Variants in SLC24A3 observed in about 807,000 individuals in gnomAD.
SLC24A3 encodes solute carrier family 24 member 3, also known as sodium/potassium/calcium exchanger 3.
In SLC24A3, 28 loss-of-function variants were observed where a neutral mutation model predicts 75.8. The observed-to-expected ratio is 0.37, with a 90% CI of 0.27 to 0.51. The LOEUF (loss-of-function observed/expected upper bound fraction) is 0.51. SLC24A3 is among the 20% of genes least tolerant of loss of function. The pLI is 0.94. For missense variants in SLC24A3, 663 were observed against 847.8 expected (o/e 0.78, Z 2.71); for synonymous variants, 372 against 334.1 (o/e 1.11, Z -1.24).
intron 2 of SLC24A3, among the ~76,000 whole-genome samples, chr20:19,408,336 G>T (rs145782120): frequency 6.6e-6 from 1 of 150,760 alleles, no homozygotes; most frequent in African/African-American, 2.4e-5. Context: ...AGATTAACCC[G>T]TATAATAATT....
At chr20:19,264,411 C>G (rs1299889860) in intron 1 of SLC24A3, among the ~76,000 whole-genome samples, 1 of 152,136 alleles carries the variant, frequency 6.6e-6, no homozygotes, top group African/African-American at 2.4e-5. Flanking sequence ...CTCTCTGCTT[C>G]CTGGCTCAGG....
At chr20:19,381,813 G>A (rs949910277) in intron 2 of SLC24A3, among the ~76,000 whole-genome samples, 8 of 152,064 alleles carry the variant, frequency 5.3e-5, no homozygotes, top group Admixed American at 2.6e-4. Flanking sequence ...TAGTATTATC[G>A]TATGTCTCTT....
At chr20:19,411,018 TA>T (rs2122420144) in intron 2 of SLC24A3, among the ~76,000 whole-genome samples, 1 of 152,300 alleles carries the variant, frequency 6.6e-6, no homozygotes, top group East Asian at 1.9e-4. Flanking sequence ...CCTTGGTGCC[TA>T]AGAATGGCCA....
chr20:19,597,502 T>C (rs1232617105), intron 6 of SLC24A3, among the ~76,000 whole-genome samples: 1 of 152,246 alleles, frequency 6.6e-6, no homozygotes, highest in African/African-American at 2.4e-5. Flanking sequence ...ATGCATAGAA[T>C]ATATAATAAT....
intron 1 of SLC24A3, among the ~76,000 whole-genome samples, chr20:19,215,601 C>T (rs1981531613): frequency 6.6e-6 from 1 of 152,070 alleles, no homozygotes; most frequent in Non-Finnish European, 1.5e-5. Context: ...CCCTTCCTCC[C>T]TCTCTCCTTC....
chr20:19,350,159 A>G (rs1568596895), intron 2 of SLC24A3, among the ~76,000 whole-genome samples: 1 of 152,252 alleles, frequency 6.6e-6, no homozygotes, highest in Non-Finnish European at 1.5e-5. Flanking sequence ...GACTGAATTC[A>G]TAGCTAGGGA....
At chr20:19,361,394 G>C (rs1985785748) in intron 2 of SLC24A3, among the ~76,000 whole-genome samples, 1 of 152,156 alleles carries the variant, frequency 6.6e-6, no homozygotes, top group Non-Finnish European at 1.5e-5. Context: ...CTACAGATTA[G>C]AAACAGAACC....
chr20:19,371,079 A>C (rs556416457), intron 2 of SLC24A3, among the ~76,000 whole-genome samples: 1 of 152,154 alleles, frequency 6.6e-6, no homozygotes, highest in Admixed American at 6.5e-5. Flanking sequence ...ATTTGGGTGC[A>C]GTGCATCCCT....
At chr20:19,628,862 T>C (rs533546361) in intron 6 of SLC24A3, among the ~76,000 whole-genome samples, 1 of 152,284 alleles carries the variant, frequency 6.6e-6, no homozygotes, top group African/African-American at 2.4e-5. Context: ...GTGGGGCTAA[T>C]TGGAGAAGAT....
chr20:19,271,533 C>A (rs975973226), intron 1 of SLC24A3, among the ~76,000 whole-genome samples: 1 of 152,190 alleles, frequency 6.6e-6, no homozygotes, highest in African/African-American at 2.4e-5. Context: ...AAGACACTTG[C>A]ACATGCATGT....
chr20:19,359,217 G>A (rs1042920634), intron 2 of SLC24A3, among the ~76,000 whole-genome samples: 23 of 152,030 alleles, frequency 1.5e-4, no homozygotes, highest in Non-Finnish European at 3.1e-4. Flanking sequence ...TGACAGCTGC[G>A]CCATTTGTGT....
chr20:19,716,665 T>C (rs1039092907), intron 15 of SLC24A3, among the ~76,000 whole-genome samples: 2 of 152,040 alleles, frequency 1.3e-5, no homozygotes, highest in African/African-American at 4.8e-5. Flanking sequence ...GAGGATCACT[T>C]GCTTCCAGGA....
At chr20:19,632,741 C>A (rs2031949896) in intron 6 of SLC24A3, among the ~76,000 whole-genome samples, 1 of 152,164 alleles carries the variant, frequency 6.6e-6, no homozygotes, top group Non-Finnish European at 1.5e-5. Context: ...GGAAAAAGAA[C>A]AACTCTGCTG....
chr20:19,300,499 A>C (rs77416641), intron 2 of SLC24A3, among the ~76,000 whole-genome samples: 3,192 of 152,324 alleles, frequency 0.021, 45 homozygotes, highest in African/African-American at 0.034. Flanking sequence ...CTAGTCACAC[A>C]CAGAACCAGG....
At chr20:19,529,105 AG>A (rs1384263712) in intron 3 of SLC24A3, among the ~76,000 whole-genome samples, 5 of 152,206 alleles carry the variant, frequency 3.3e-5, no homozygotes, top group African/African-American at 1.2e-4. Context: ...TTAACATATT[AG>A]GCACAGCTAT....
At chr20:19,219,957 C>T (rs1176749236) in intron 1 of SLC24A3, among the ~76,000 whole-genome samples, 1 of 152,124 alleles carries the variant, frequency 6.6e-6, no homozygotes, top group African/African-American at 2.4e-5. Context: ...CCAAATGAAG[C>T]CTTGGCCATT....
At chr20:19,590,336 T>C (rs6046197) in intron 6 of SLC24A3, among the ~76,000 whole-genome samples, 91,085 of 151,572 alleles carry the variant, frequency 0.6, 28,532 homozygotes, top group Non-Finnish European at 0.68. Context: ...GCTTACCCCG[T>C]ACACCTTGAT....
chr20:19,549,441 A>T (rs1481906627), intron 3 of SLC24A3, among the ~76,000 whole-genome samples: 1 of 152,196 alleles, frequency 6.6e-6, no homozygotes, highest in Non-Finnish European at 1.5e-5. Flanking sequence ...CAACATATGT[A>T]TTATTCATAA....
chr20:19,556,108 A>T (rs979211003), intron 3 of SLC24A3, among the ~76,000 whole-genome samples: 1 of 151,940 alleles, frequency 6.6e-6, no homozygotes, highest in Admixed American at 6.6e-5. Context: ...AAGGATATTG[A>T]TCCCATTCAT....
Sources: allele counts gnomAD v4.1 joint callset (sites outside exome capture counted in the v4.1 genomes callset), GRCh38; gene constraint gnomAD v4.1.1; transcripts MANE v1.5; gene names NCBI Gene and HGNC (gene_info 2026-07-23, HGNC 2026-07-21).